The following PKD2 variants were observed in gnomAD, a reference collection of about 807,000 sequenced individuals.
The protein encoded by PKD2 is polycystin-2.
Under a neutral mutation model 105.9 loss-of-function variants are expected in PKD2, and 48 were observed. That is an observed-to-expected ratio of 0.45 (90% CI 0.36 to 0.58). The LOEUF is 0.58. PKD2 is among the 20% of genes least tolerant of loss of function. The pLI, the probability that PKD2 is intolerant of heterozygous loss-of-function variation, is 0.00. For synonymous variants in PKD2, 464 were observed against 481.1 expected, an observed-to-expected ratio of 0.96 and a Z score of 0.46; for missense variants, 1,078 against 1,255.3, an observed-to-expected ratio of 0.86 and a Z score of 2.13.
intron 1 of PKD2, among the ~76,000 whole-genome samples, chr4:88,018,391 A>G (rs1216509841): frequency 2.6e-5 from 4 of 152,158 alleles, no homozygotes; most frequent in Admixed American, 6.5e-5. Flanking sequence ...CCATTTCCCT[A>G]TGTGGCTTGA....
At chr4:88,058,244 T>C in intron 9 of PKD2, 141 bp downstream of exon 9, 1 of 648,828 alleles carries the variant, frequency 1.5e-6, no homozygotes. Flanking sequence ...GGAAAACTTA[T>C]TTTCCTTTTA....
intron 3 of PKD2, among the ~76,000 whole-genome samples, 168 bp from the exon 4 acceptor site, chr4:88,038,083 A>G (rs554248811): frequency 1.3e-4 from 20 of 152,324 alleles, no homozygotes; most frequent in Admixed American, 1.3e-3. Flanking sequence ...ATAGCTAACA[A>G]ATGATGGGGC....
intron 7 of PKD2, 146 bp downstream of exon 7, chr4:88,052,304 T>C (rs1340940599): frequency 4.6e-6 from 3 of 653,432 alleles, no homozygotes; most frequent in Non-Finnish European, 5.4e-6. Context: ...GGTCTCACTC[T>C]GTCACCCAGG....
intron 4 of PKD2, 119 bp downstream of exon 4, chr4:88,038,620 C>A: frequency 9.8e-7 from 1 of 1,015,484 alleles, no homozygotes; most frequent in Non-Finnish European, 1.6e-6. Flanking sequence ...TTCAGTGACT[C>A]TTCAGTGCTT....
At chr4:88,043,512 T>G in intron 5 of PKD2, 55 bp downstream of exon 5, 2 of 1,285,532 alleles carry the variant, frequency 1.6e-6, no homozygotes, top group Non-Finnish European at 2.3e-6. Flanking sequence ...ACATACATCC[T>G]ATTCTGGGGT....
chr4:88,065,328 G>T (rs780995001), intron 10 of PKD2, 46 bp from the exon 11 acceptor site: 2 of 1,576,328 alleles, frequency 1.3e-6, no homozygotes, highest in African/African-American at 2.7e-5. Context: ...AGATGCAAAA[G>T]GAGAATACAC....
chr4:88,007,695 C>G lies in PKD2; in HGVS notation c.-39C>G. ...CTCCTGAGGCGCACAGCGCCGAGCG[C>G]GGCGCCGCGCACCCGCGCGCCGGAC... On this transcript the variant is annotated 5_prime_UTR_variant, in exon 1 of 15. Coordinates refer to ENST00000237596, the MANE Select transcript of PKD2 (RefSeq NM_000297.4). The G allele has an allele frequency of 8.7e-7, 1 of 1,143,784 alleles. No homozygotes were observed. The highest frequency in any genetic ancestry group is 2.7e-5 in the South Asian group (1 of 36,366). The allele number at this position is 1,143,784 out of a possible 1,614,324, so 70.9% of individuals were successfully genotyped here.
chr4:88,010,101 T>C (rs1726333861), intron 1 of PKD2, among the ~76,000 whole-genome samples: 1 of 151,908 alleles, frequency 6.6e-6, no homozygotes, highest in Non-Finnish European at 1.5e-5. Flanking sequence ...GGAATTTTTT[T>C]TTTTTTTTTA....
intron 7 of PKD2, among the ~76,000 whole-genome samples, chr4:88,053,467 G>A (rs1309998185): frequency 6.6e-6 from 1 of 152,016 alleles, no homozygotes; most frequent in Non-Finnish European, 1.5e-5. Context: ...TACCAGCCTG[G>A]GCAACATGGC....
chr4:88,036,313 C>G lies in PKD2; in HGVS notation c.803C>G (p.Thr268Ser), dbSNP rs746891220. The change falls in exon 3 of 15, where the codon ACT becomes AGT. Residue 268 changes from threonine to serine, a missense_variant. This residue lies in a region of PKD2 where 868 missense variants were observed against 1,067.3 expected (regional missense o/e 0.81). Coordinates refer to ENST00000237596, the MANE Select transcript of PKD2 (RefSeq NM_000297.4). ...ACCCCCGTGTCCAAAACGGAGAAAA[C>G]TAACTTTAAAACTCTGTCTTCCATG... Reference protein sequence around the residue: ...LDTPVSKTEKTNFKTLSSMED... With the variant: ...LDTPVSKTEKSNFKTLSSMED... The G allele has an allele frequency of 2.5e-6, 4 of 1,614,084 alleles. No homozygotes were observed. The Admixed American group carries it at 6.7e-5, about 27-fold the overall frequency.
At chr4:88,071,222 A>G (rs1286417063) in intron 13 of PKD2, among the ~76,000 whole-genome samples, 1 of 151,028 alleles carries the variant, frequency 6.6e-6, no homozygotes, top group Non-Finnish European at 1.5e-5. Context: ...TACCCAGCTA[A>G]TTTTTATTTT....
intron 1 of PKD2, among the ~76,000 whole-genome samples, chr4:88,017,824 A>G (rs901355574): frequency 2.0e-5 from 3 of 152,218 alleles, no homozygotes; most frequent in Admixed American, 6.5e-5. Context: ...TTTATAAACC[A>G]TGGGAAAGAA....
chr4:88,029,342 C>T (rs1247431406), intron 2 of PKD2, among the ~76,000 whole-genome samples: 1 of 152,212 alleles, frequency 6.6e-6, no homozygotes, highest in Non-Finnish European at 1.5e-5. Context: ...TCAACTAGTA[C>T]TTGCGTGCCA....
intron 7 of PKD2, among the ~76,000 whole-genome samples, chr4:88,052,987 T>C (rs1720167214): frequency 6.6e-6 from 1 of 152,188 alleles, no homozygotes; most frequent in Non-Finnish European, 1.5e-5. Flanking sequence ...TCCATGTGTG[T>C]GAAAGGTTAT....
intron 1 of PKD2, among the ~76,000 whole-genome samples, chr4:88,014,422 C>T (rs1019308579): frequency 6.7e-6 from 1 of 148,724 alleles, no homozygotes; most frequent in Non-Finnish European, 1.5e-5. Flanking sequence ...GAGACTGGGG[C>T]GGGAGGATTG....
At chr4:88,011,023 A>T (rs1216024767) in intron 1 of PKD2, among the ~76,000 whole-genome samples, 1 of 152,238 alleles carries the variant, frequency 6.6e-6, no homozygotes. Flanking sequence ...CATGGTGTAC[A>T]GGAGAGCTTG....
In PKD2 at chr4:88,007,740, A is replaced by G; in HGVS notation, c.7A>G (p.Asn3Asp). MV[N>D]SSRVQPQQPG... Reference sequence around the variant, plus strand: ...CCGGACGCCAGTGACCGCGATGGTGAACTCCAGTCGCGTGCAGCCTCAGCA... The same window carrying G: ...CCGGACGCCAGTGACCGCGATGGTGGACTCCAGTCGCGTGCAGCCTCAGCA... The change falls in exon 1 of 15, where the codon AAC becomes GAC. Residue 3 changes from asparagine (N) to aspartate (D), a missense_variant. Transcript: ENST00000237596. 1 of 1,204,262 alleles carries G rather than the reference A, an allele frequency of 8.3e-7. No homozygotes were observed. Among genetic ancestry groups the G allele is most frequent in the Non-Finnish European group, 1.0e-6 (1 of 958,066 alleles). The allele number at this position is 1,204,262 out of a possible 1,614,324, so 74.6% of individuals were successfully genotyped here.
At chr4:88,027,009 G>A (rs575604371) in intron 2 of PKD2, among the ~76,000 whole-genome samples, 1 of 152,364 alleles carries the variant, frequency 6.6e-6, no homozygotes, top group African/African-American at 2.4e-5. Context: ...CCAGGCAGAA[G>A]TCTGCTGCAG....
intron 13 of PKD2, among the ~76,000 whole-genome samples, chr4:88,073,243 G>A (rs1302485608): frequency 1.1e-4 from 17 of 151,564 alleles, no homozygotes; most frequent in African/African-American, 2.9e-4. Flanking sequence ...TGGGAAAGCC[G>A]GGCACAGTGG....
Sources: gnomAD v4.1 joint callset for allele counts (sites outside exome capture counted in the v4.1 genomes callset) on GRCh38, gnomAD v4.1.1 for gene constraint, gnomAD v4.1.1 regional missense constraint, MANE v1.5 for transcripts, NCBI Gene and HGNC (gene_info 2026-07-23, HGNC 2026-07-21) for gene names.